The following C4orf17 variants were observed in gnomAD, a reference collection of about 807,000 sequenced individuals.
C4orf17 encodes the protein uncharacterized protein C4orf17.
In C4orf17, 25 loss-of-function variants were observed where a neutral mutation model predicts 32.0. The observed-to-expected ratio is 0.78, with a 90% CI of 0.57 to 1.09. C4orf17 has a LOEUF of 1.09. C4orf17 is among the 50% of genes least tolerant of loss of function. The pLI is 0.00. For missense variants in C4orf17, 420 were observed against 420.0 expected (o/e 1.00, Z 0.00); for synonymous variants, 149 against 145.8 (o/e 1.02, Z -0.16).
rs1560585629 is a variant in C4orf17, at chr4:99,518,575, AG to A, written c.128-3924del. Reference sequence around the variant, plus strand: ...GAGAGAGAGAGAGAGAGAGAGAGAGAGAGAGAGAGGGAGGGAGACAGAGAGA... The same window carrying A: ...GAGAGAGAGAGAGAGAGAGAGAGAGAAGAGAGAGGGAGGGAGACAGAGAGA... On this transcript the variant is annotated intron_variant, in intron 2 of 8. Transcript: ENST00000326581. Among the ~76,000 whole-genome samples, 57 of 125,832 alleles carry A rather than the reference AG, an allele frequency of 4.5e-4. 1 individual carries two copies. Among genetic ancestry groups the A allele is most frequent in the African/African-American group, 1.8e-3 (51 of 28,260 alleles). The allele number at this position is 125,832 out of a possible 152,430, so 82.6% of individuals were successfully genotyped here.
chr4:99,531,030 G>A (rs1179667068), intron 5 of C4orf17, among the ~76,000 whole-genome samples: 1 of 151,864 alleles, frequency 6.6e-6, no homozygotes, highest in African/African-American at 2.4e-5. Context: ...GCTCATTAAG[G>A]TCTCAGTTTC....
chr4:99,538,578 G>C (rs779063129), intron 6 of C4orf17, among the ~76,000 whole-genome samples: 10 of 152,042 alleles, frequency 6.6e-5, no homozygotes, highest in African/African-American at 2.4e-4. Context: ...AGAGGCGATG[G>C]GTCTTTAGTT....
At chr4:99,537,845 C>A (rs1723586960) in intron 6 of C4orf17, 95 bp downstream of exon 6, 3 of 894,586 alleles carry the variant, frequency 3.4e-6, no homozygotes, top group African/African-American at 1.6e-5. Flanking sequence ...CTTGGATTTG[C>A]AAAGATAATG....
intron 5 of C4orf17, among the ~76,000 whole-genome samples, chr4:99,531,522 C>G (rs191672544): frequency 6.6e-6 from 1 of 152,142 alleles, no homozygotes; most frequent in East Asian, 1.9e-4. Context: ...ATGAAAGAGC[C>G]CTCCTCTCAA....
At chr4:99,512,536 T>C (rs796186799) in intron 1 of C4orf17, among the ~76,000 whole-genome samples, 6 of 152,274 alleles carry the variant, frequency 3.9e-5, no homozygotes, top group East Asian at 1.9e-4. Context: ...TCTCCGAAGA[T>C]GATATACATT....
rs146412867 is a variant in C4orf17 at position 99,520,117 on chromosome 4, T to A, written c.128-2383T>A. ...TTTTTTTTTTTTTTTTGAGACGGAGTCTCGCTCTTTCACCCAGGCCGGACT... is the reference window on the plus strand; with the variant it reads ...TTTTTTTTTTTTTTTTGAGACGGAGACTCGCTCTTTCACCCAGGCCGGACT... On this transcript the variant is annotated intron_variant, in intron 2 of 8. Coordinates refer to ENST00000326581, the MANE Select transcript of C4orf17 (RefSeq NM_032149.3). Among the ~76,000 whole-genome samples, 1,077 of 138,318 alleles carry A rather than the reference T, an allele frequency of 7.8e-3. 10 individuals are homozygous for A. The highest frequency in any genetic ancestry group is 0.012 in the Non-Finnish European group (753 of 64,866). The allele number at this position is 138,318 out of a possible 152,430, so 90.7% of individuals were successfully genotyped here.
At position 99,513,214 on chromosome 4, in the gene C4orf17, G is replaced by C; in HGVS notation, c.127+6G>C. ...AAGAGTCTGCCACATCAAAGGTAAG[G>C]TGACTTAAGGTCCTAGTATGTGTCT... On this transcript the variant is annotated splice_donor_region_variant and intron_variant, in intron 2 of 8. Coordinates refer to ENST00000326581, the MANE Select transcript of C4orf17 (RefSeq NM_032149.3). 6.2e-7 allele frequency: 1 copy of C among 1,613,690 alleles called. No individual in the cohort carries two copies. Among genetic ancestry groups the C allele is most frequent in the East Asian group, 2.2e-5 (1 of 44,870 alleles).
rs145210620 is a variant in C4orf17, at chr4:99,542,082, A to G, written c.1053A>G (p.Ala351=). Reference sequence around the variant, plus strand: ...AATACAACCTCTGTCCCCAAAGAGCATGTTATCCTTCAACACACCGGAGGT... The same window carrying G: ...AATACAACCTCTGTCCCCAAAGAGCGTGTTATCCTTCAACACACCGGAGGT... ...IQEYNLCPQR[A]CYPSTHRR is the part of the protein sequence containing the mutation. Residue 351 remains alanine (A), a synonymous_variant, in exon 9 of 9, where the codon GCA becomes GCG. Transcript: ENST00000326581. The G allele has an allele frequency of 2.5e-6, 4 of 1,613,964 alleles. No homozygotes were observed. In the African/African-American group the frequency reaches 4.0e-5, roughly 16 times the overall value.
At position 99,529,842 on chromosome 4, in the gene C4orf17, T is replaced by C. The variant is rs775429541; in HGVS notation, c.430T>C (p.Ser144Pro). The stretch of plus-strand genomic sequence containing the variant: ...AGAAATTAAGGCCAAAAGACCACCA[T>C]CACCTCCAAAGGCATGCTCTACTCC... Reference protein sequence around the residue: ...KEEIKAKRPPSPPKACSTPGS... With the variant: ...KEEIKAKRPPPPPKACSTPGS... Residue 144 changes from serine (S) to proline (P), a missense_variant, in exon 5 of 9, where the codon TCA becomes CCA. Ser to Pro is a moderately conservative substitution (Grantham distance 74). Transcript: ENST00000326581. The C allele has an allele frequency of 6.2e-7, 1 of 1,611,616 alleles. No individual in the cohort carries two copies. The highest frequency in any genetic ancestry group is 2.2e-5 in the East Asian group (1 of 44,774).
intron 8 of C4orf17, chr4:99,541,024 T>G (rs1290007929): frequency 6.6e-6 from 1 of 152,328 alleles, no homozygotes; most frequent in Non-Finnish European, 1.5e-5. Context: ...TCCTTATAGG[T>G]TTGGCAGTTT....
chr4:99,515,707 G>T (rs1723169421), intron 2 of C4orf17, among the ~76,000 whole-genome samples: 1 of 151,394 alleles, frequency 6.6e-6, no homozygotes, highest in Non-Finnish European at 1.5e-5. Flanking sequence ...TAAAATAAAA[G>T]TTAAAAAAAG....
At chr4:99,518,677 A>G (rs1723237805) in intron 2 of C4orf17, among the ~76,000 whole-genome samples, 1 of 150,478 alleles carries the variant, frequency 6.6e-6, no homozygotes, top group Non-Finnish European at 1.5e-5. Context: ...TAATTTTGAC[A>G]TAGGCTAAAA....
chr4:99,524,351 G>A (rs976002446), intron 3 of C4orf17, among the ~76,000 whole-genome samples, 170 bp from the exon 4 acceptor site: 1 of 152,028 alleles, frequency 6.6e-6, no homozygotes, highest in East Asian at 1.9e-4. Flanking sequence ...AATACTTTAT[G>A]TTATTATAAT....
At chr4:99,536,069 C>G (rs965562605) in intron 5 of C4orf17, 8 of 410,460 alleles carry the variant, frequency 1.9e-5, no homozygotes, top group Non-Finnish European at 3.8e-5. Context: ...AGTTGCAAGA[C>G]AGCAAAGGTG....
At chr4:99,533,534 C>T (rs1723511346) in intron 5 of C4orf17, among the ~76,000 whole-genome samples, 1 of 152,172 alleles carries the variant, frequency 6.6e-6, no homozygotes, top group African/African-American at 2.4e-5. Flanking sequence ...CAGAGAGCAG[C>T]AGCTTCACTA....
chr4:99,523,473 A>T (rs745534399), intron 3 of C4orf17, among the ~76,000 whole-genome samples: 1 of 152,238 alleles, frequency 6.6e-6, no homozygotes, highest in Non-Finnish European at 1.5e-5. Context: ...ACTGTTCTAA[A>T]GTCTTCATAC....
At position 99,542,088 on chromosome 4, in the gene C4orf17, T is replaced by C. The variant is rs1723658128; in HGVS notation, c.1059T>C (p.Tyr353=). The change falls in exon 9 of 9, where the codon TAT becomes TAC. Residue 353 remains tyrosine, a synonymous_variant. Transcript: ENST00000326581. ...EYNLCPQRAC[Y]PSTHRR ...ACCTCTGTCCCCAAAGAGCATGTTA[T>C]CCTTCAACACACCGGAGGTAGAAGT... 1.9e-6 allele frequency: 3 copies of C among 1,614,024 alleles called. No homozygotes were observed. Among genetic ancestry groups the C allele is most frequent in the Non-Finnish European group, 2.5e-6 (3 of 1,179,914 alleles).
chr4:99,514,453 T>C lies in C4orf17; in HGVS notation c.127+1245T>C, dbSNP rs536875024. ...TCAAAAAGTGGGCAAGTAACAGGAA[T>C]AGAAAATTCTCAAAAGAAGATCTAC... is the stretch of plus-strand genomic sequence containing the variant. On this transcript the variant is annotated intron_variant, in intron 2 of 8. Coordinates refer to ENST00000326581, the MANE Select transcript of C4orf17 (RefSeq NM_032149.3). Among the ~76,000 whole-genome samples the C allele has an allele frequency of 9.2e-5, 14 of 151,944 alleles. No individual in the cohort carries two copies. In the South Asian group the frequency reaches 2.7e-3, roughly 29 times the overall value.
chr4:99,538,332 AGACT>A (rs1560591642), intron 6 of C4orf17, among the ~76,000 whole-genome samples: 1 of 152,226 alleles, frequency 6.6e-6, no homozygotes, highest in African/African-American at 2.4e-5. Context: ...GTTGATCATC[AGACT>A]GACTGAGGCA....
Sources: allele counts gnomAD v4.1 joint callset (sites outside exome capture counted in the v4.1 genomes callset), GRCh38; gene constraint gnomAD v4.1.1; transcripts MANE v1.5; gene names NCBI Gene and HGNC (gene_info 2026-07-23, HGNC 2026-07-21).